Variants in BCORL1 observed in about 807,000 individuals in gnomAD.
The protein encoded by BCORL1 is BCL6 corepressor like 1.
BCORL1 carries 7 observed loss-of-function variants against 87.6 expected under a neutral mutation model. That is an observed-to-expected ratio of 0.08 (90% CI 0.05 to 0.15). BCORL1 has a LOEUF of 0.15. BCORL1 is among the 10% of genes least tolerant of loss of function. The pLI, the probability that BCORL1 is intolerant of heterozygous loss-of-function variation, is 1.00. For missense variants in BCORL1, 1,215 were observed against 1,499.7 expected, an observed-to-expected ratio of 0.81 and a Z score of 3.13; for synonymous variants, 591 against 634.4, an observed-to-expected ratio of 0.93 and a Z score of 1.03.
In BCORL1 at chrX:130,015,817, C is replaced by T. The variant is rs1446887595; in HGVS notation, c.3045C>T (p.Asp1015=). Residue 1015 remains aspartate (D), a synonymous_variant, in exon 4 of 14, where the codon GAC becomes GAT. Coordinates refer to ENST00000540052, the MANE Select transcript of BCORL1 (RefSeq NM_001379451.1). ...KMPELPLLPH[D]SHPKELILDV... ...CTGAGCTGCCTTTGCTACCTCACGA[C>T]AGCCACCCCAAGGAACTTATATTGG... is the stretch of plus-strand genomic sequence containing the variant. 1 of 1,212,036 alleles carries T rather than the reference C, an allele frequency of 8.3e-7. No individual in the cohort carries two copies. The highest frequency in any genetic ancestry group is 1.1e-6 in the Non-Finnish European group (1 of 895,584).
Position 130,013,813 on chromosome X carries a change from A to G in BCORL1, c.1041A>G (p.Pro347=). Residue 347 remains proline, a synonymous_variant, in exon 4 of 14, where the codon CCA becomes CCG. Transcript: ENST00000540052. Reference sequence around the variant, plus strand: ...CTCCCATGCCAGCATCCACGCCTCCAGCGGCCCCTGCCCCTCCGTCTGTGC... The same window carrying G: ...CTCCCATGCCAGCATCCACGCCTCCGGCGGCCCCTGCCCCTCCGTCTGTGC... ...VLAPMPASTP[P]AAPAPPSVPM... is the part of the protein sequence containing the mutation. 8.6e-7 allele frequency: 1 copy of G among 1,168,152 alleles called. No individual in the cohort carries two copies. The highest frequency in any genetic ancestry group is 1.1e-6 in the Non-Finnish European group (1 of 874,445).
intron 13 of BCORL1, among the ~76,000 whole-genome samples, chrX:130,054,772 G>A (rs770910545): frequency 3.6e-5 from 4 of 110,761 alleles, no homozygotes; most frequent in African/African-American, 1.3e-4. Context: ...TTAGCCAGGC[G>A]TGGTCGTGGG....
chrX:130,029,907 G>A lies in BCORL1; in HGVS notation c.4305+1046G>A, dbSNP rs369824702. Among the ~76,000 whole-genome samples the A allele has an allele frequency of 6.3e-5, 7 of 111,081 alleles. No homozygotes were observed. The East Asian group carries it at 2.0e-3, about 32-fold the overall frequency. On this transcript the variant is annotated intron_variant, in intron 8 of 13. Transcript: ENST00000540052. ...TGAGCTCAAGTGATCCGCCCGCCTT[G>A]GCCTCCCAAAGTGCTGGAATTACAG...
At chrX:130,042,000 A>G (rs890039284) in intron 11 of BCORL1, among the ~76,000 whole-genome samples, 3 of 111,619 alleles carry the variant, frequency 2.7e-5, no homozygotes, top group African/African-American at 9.8e-5. Context: ...ATATGTGTTT[A>G]TATATATTTG....
In BCORL1 at chrX:130,016,189, G is replaced by A. The variant is rs768592662; in HGVS notation, c.3417G>A (p.Val1139=). Residue 1139 remains valine, a synonymous_variant, in exon 4 of 14, where the codon GTG becomes GTA. Coordinates refer to ENST00000540052, the MANE Select transcript of BCORL1 (RefSeq NM_001379451.1). ...EQQLQPQAKA[V]VRSSHRPKCR... ...AGCTCCAGCCACAAGCCAAGGCCGT[G>A]GTCCGGAGTTCCCACAGACCCAAGG... 1.0e-5 allele frequency: 12 copies of A among 1,204,945 alleles called. No homozygotes were observed. In the Admixed American group the frequency reaches 2.4e-4, roughly 24 times the overall value.
chrX:130,028,535 T>A (rs909084086), intron 7 of BCORL1, 100 bp from the exon 8 acceptor site: 77 of 724,556 alleles, frequency 1.1e-4, no homozygotes, highest in Non-Finnish European at 1.5e-4. Context: ...TGCACTGCAG[T>A]TCTAATCCCC....
At position 130,016,058 on chromosome X, in the gene BCORL1, G is replaced by A. The variant is rs751056161; in HGVS notation, c.3286G>A (p.Val1096Ile). The A allele has an allele frequency of 2.4e-5, 29 of 1,209,893 alleles. No individual in the cohort carries two copies. The East Asian group carries it at 3.0e-4, about 12-fold the overall frequency. Reference protein sequence around the residue: ...AGQARVKQESVGVFACKNKWQ... With the variant: ...AGQARVKQESIGVFACKNKWQ... The stretch of plus-strand genomic sequence containing the variant: ...GCAGGCTCGAGTGAAACAGGAAAGC[G>A]TAGGGGTCTTTGCTTGCAAGAACAA... Residue 1096 changes from valine (V) to isoleucine (I), a missense_variant, in exon 4 of 14, where the codon GTA becomes ATA. Coordinates refer to ENST00000540052, the MANE Select transcript of BCORL1 (RefSeq NM_001379451.1).
At chrX:129,991,351 C>T (rs1927138721) in intron 1 of BCORL1, among the ~76,000 whole-genome samples, 3 of 111,004 alleles carry the variant, frequency 2.7e-5, no homozygotes, top group Non-Finnish European at 3.8e-5. Flanking sequence ...AACTCCTGAC[C>T]TCAAGTGATC....
intron 11 of BCORL1, among the ~76,000 whole-genome samples, chrX:130,039,956 T>C (rs1423252704): frequency 8.9e-6 from 1 of 112,829 alleles, no homozygotes; most frequent in Admixed American, 9.3e-5. Context: ...TCTACTGAGT[T>C]GGGCAGGGGG....
rs745431187 is a variant in BCORL1 at position 130,013,029 on chromosome X, A to G, written c.257A>G (p.His86Arg). Residue 86 changes from histidine (H) to arginine (R), a missense_variant, in exon 4 of 14, where the codon CAC becomes CGC. Transcript: ENST00000540052. The part of the protein sequence containing the change: ...PDGSATEKLG[H>R]KSEDKPDDPQ... Reference sequence around the variant, plus strand: ...GGCAGTGCTACAGAAAAACTTGGGCACAAGTCAGAAGACAAGCCTGACGAT... The same window carrying G: ...GGCAGTGCTACAGAAAAACTTGGGCGCAAGTCAGAAGACAAGCCTGACGAT... 8.3e-7 allele frequency: 1 copy of G among 1,209,350 alleles called. No individual in the cohort carries two copies. Among genetic ancestry groups the G allele is most frequent in the East Asian group, 3.0e-5 (1 of 33,750 alleles).
intron 8 of BCORL1, among the ~76,000 whole-genome samples, chrX:130,032,733 C>CCATT (rs751406015): frequency 1.5e-4 from 13 of 87,604 alleles, no homozygotes; most frequent in Non-Finnish European, 1.6e-4. Flanking sequence ...AGAATCTCTT[C>CCATT]TATTTATTTA....
rs777594108 is a variant in BCORL1 at position 129,990,453 on chromosome X, A to G, written c.-45+7691A>G. On this transcript the variant is annotated intron_variant, in intron 1 of 13. Coordinates refer to ENST00000540052, the MANE Select transcript of BCORL1 (RefSeq NM_001379451.1). ...TCACTGTGTTAGCCAGGATGGTCTC[A>G]ATCTCCTCACCTCGTGATCCGCCCG... 4.7e-4 allele frequency among the ~76,000 whole-genome samples: 52 copies of G among 109,691 alleles called. No individual in the cohort carries two copies. In the South Asian group the frequency reaches 5.1e-3, roughly 11 times the overall value.
At chrX:130,035,924 C>A (rs1930914082) in intron 9 of BCORL1, among the ~76,000 whole-genome samples, 1 of 112,597 alleles carries the variant, frequency 8.9e-6, no homozygotes, top group Admixed American at 9.4e-5. Flanking sequence ...AGGAGCTTGA[C>A]AGTTTCTATA....
chrX:130,041,963 A>G (rs1433044183), intron 11 of BCORL1, among the ~76,000 whole-genome samples: 4 of 110,901 alleles, frequency 3.6e-5, no homozygotes, highest in African/African-American at 9.8e-5. Flanking sequence ...TACTTCACAT[A>G]TTTGTGGTGT....
At chrX:130,028,502 G>T in intron 7 of BCORL1, 133 bp from the exon 8 acceptor site, 1 of 536,121 alleles carries the variant, frequency 1.9e-6, no homozygotes, top group Non-Finnish European at 3.2e-6. Context: ...ACTAGATATC[G>T]ATAGCTGATA....
In BCORL1 at chrX:130,006,580, C is replaced by T. The variant is rs1329475903; in HGVS notation, c.86+1263C>T. On this transcript the variant is annotated intron_variant, in intron 2 of 13. Coordinates refer to ENST00000540052, the MANE Select transcript of BCORL1 (RefSeq NM_001379451.1). ...TTCACCATGTTAGCCAGGATGGTCTCAATCTCCTGACCTCGTGATCCGCCC... is the reference window on the plus strand; with the variant it reads ...TTCACCATGTTAGCCAGGATGGTCTTAATCTCCTGACCTCGTGATCCGCCC... 2.7e-5 allele frequency among the ~76,000 whole-genome samples: 3 copies of T among 110,781 alleles called. No homozygotes were observed. The East Asian group carries it at 8.5e-4, about 31-fold the overall frequency.
chrX:130,039,378 C>G, intron 11 of BCORL1, 96 bp downstream of exon 11: 1 of 1,046,583 alleles, frequency 9.6e-7, no homozygotes, highest in African/African-American at 1.8e-5. Context: ...CCACCTTGAA[C>G]AGCTCCCATG....
chrX:130,028,848 C>T lies in BCORL1; in HGVS notation c.4292C>T (p.Ser1431Leu). ...KCKTKHMATV[S>L]EEAKGKGRWS... is the part of the protein sequence containing the mutation. ...AAGACCAAGCACATGGCAACCGTCT[C>T]AGAAGAGGCAAAGGTGTGTAGCTAT... The change falls in exon 8 of 14, where the codon TCA becomes TTA. Residue 1431 changes from serine to leucine, a missense_variant. Physicochemically the swap from Ser to Leu is moderately radical, Grantham distance 145. Coordinates refer to ENST00000540052, the MANE Select transcript of BCORL1 (RefSeq NM_001379451.1). The T allele has an allele frequency of 8.4e-7, 1 of 1,195,794 alleles. No homozygotes were observed. The highest frequency in any genetic ancestry group is 1.1e-6 in the Non-Finnish European group (1 of 890,599).
At chrX:130,049,978 G>A in intron 11 of BCORL1, among the ~76,000 whole-genome samples, 1 of 111,585 alleles carries the variant, frequency 9.0e-6, no homozygotes, top group Admixed American at 9.6e-5. Context: ...CAGGCTGGGT[G>A]GGGAGTGGCG....
Sources: allele counts gnomAD v4.1 joint callset (sites outside exome capture counted in the v4.1 genomes callset), GRCh38; gene constraint gnomAD v4.1.1; transcripts MANE v1.5; gene names NCBI Gene and HGNC (gene_info 2026-07-23, HGNC 2026-07-21).